STAC: variants seen among roughly 807,000 people sequenced by gnomAD.
STAC encodes the protein SH3 and cysteine-rich domain-containing protein.
STAC carries 43 observed loss-of-function variants against 48.8 expected under a neutral mutation model. The ratio of observed to expected loss-of-function variants is 0.88; its 90% confidence interval spans 0.69 to 1.14. The LOEUF (loss-of-function observed/expected upper bound fraction) is 1.14, where lower values mean the gene tolerates loss of function less well. Ranked by LOEUF, STAC falls within the 50% of genes most tolerant of loss-of-function variation. The pLI is 0.00. For missense variants in STAC, 497 were observed against 504.0 expected (o/e 0.99, Z 0.13); for synonymous variants, 193 against 179.5 (o/e 1.07, Z -0.60).
At chr3:36,388,296 T>C (rs1272064479) in intron 1 of STAC, among the ~76,000 whole-genome samples, 1 of 152,140 alleles carries the variant, frequency 6.6e-6, no homozygotes, top group Non-Finnish European at 1.5e-5. Flanking sequence ...TTGTCTTTTT[T>C]GGTATGTGAA....
At chr3:36,402,475 A>G (rs755780108) in intron 1 of STAC, among the ~76,000 whole-genome samples, 3 of 151,988 alleles carry the variant, frequency 2.0e-5, no homozygotes, top group Admixed American at 6.6e-5. Context: ...TTTTGTGCCC[A>G]CTCTACAGAT....
rs767656854 is a variant in STAC, at chr3:36,528,819, G to A, written c.973-29G>A. ...AACTATTATAATACATGCTACAATT[G>A]TGGATGCATGCCTCCTTTTTCCTTT... On this transcript the variant is annotated intron_variant, in intron 9 of 10. Transcript: ENST00000273183. 2.5e-6 allele frequency: 4 copies of A among 1,609,222 alleles called. No individual in the cohort carries two copies. The African/African-American group carries it at 5.4e-5, about 22-fold the overall frequency.
chr3:36,522,439 A>G (rs888663592), intron 8 of STAC, among the ~76,000 whole-genome samples: 1 of 152,238 alleles, frequency 6.6e-6, no homozygotes, highest in African/African-American at 2.4e-5. Flanking sequence ...CTCAAAAAAT[A>G]TTGATGGGGT....
chr3:36,523,103 G>A (rs1392800266), intron 8 of STAC, among the ~76,000 whole-genome samples: 2 of 152,180 alleles, frequency 1.3e-5, no homozygotes, highest in Non-Finnish European at 1.5e-5. Flanking sequence ...GCAACCATTG[G>A]TTCTCACGCA....
At chr3:36,511,118 C>T (rs1223106796) in intron 8 of STAC, among the ~76,000 whole-genome samples, 1 of 151,622 alleles carries the variant, frequency 6.6e-6, no homozygotes, top group Non-Finnish European at 1.5e-5. Flanking sequence ...CTAAACCATT[C>T]TCTTACCACA....
In STAC at chr3:36,443,395, A is replaced by C. The variant is rs759578282; in HGVS notation, c.143A>C (p.Lys48Thr). ...LQKLKRSLSF[K>T]TKSLRSKSAD... Reference sequence around the variant, plus strand: ...AAACTAAAACGATCACTTTCTTTCAAGACCAAGAGTTTACGGAGCAAAAGT... The same window carrying C: ...AAACTAAAACGATCACTTTCTTTCACGACCAAGAGTTTACGGAGCAAAAGT... The change falls in exon 2 of 11, where the codon AAG (lysine) becomes ACG (threonine). Residue 48 changes from lysine (K) to threonine (T), a missense_variant. Coordinates refer to ENST00000273183, the MANE Select transcript of STAC (RefSeq NM_003149.3). The surrounding 1 kb of genome is among the most constrained non-coding windows in gnomAD (Gnocchi z 4.2). 1 of 1,614,212 alleles carries C rather than the reference A, an allele frequency of 6.2e-7. No individual in the cohort carries two copies. The highest frequency in any genetic ancestry group is 8.5e-7 in the Non-Finnish European group (1 of 1,180,036).
intron 2 of STAC, among the ~76,000 whole-genome samples, chr3:36,470,232 G>A (rs1373865422): frequency 2.6e-5 from 4 of 152,236 alleles, no homozygotes; most frequent in Non-Finnish European, 5.9e-5. Flanking sequence ...AAGGGCTGCT[G>A]TGAGATTCTT....
At chr3:36,544,997 T>C (rs997000046) in intron 10 of STAC, among the ~76,000 whole-genome samples, 2 of 152,206 alleles carry the variant, frequency 1.3e-5, no homozygotes, top group Non-Finnish European at 2.9e-5. Flanking sequence ...AGTGTCCTAT[T>C]CAAGCCCCTT....
At chr3:36,420,514 T>C (rs1334027633) in intron 1 of STAC, among the ~76,000 whole-genome samples, 2 of 152,198 alleles carry the variant, frequency 1.3e-5, no homozygotes, top group Non-Finnish European at 1.5e-5. Flanking sequence ...TGCCTCCTGC[T>C]AGATCAGCAG....
chr3:36,506,125 T>C (rs963286955), intron 8 of STAC: 1 of 224,896 alleles, frequency 4.4e-6, no homozygotes, highest in Non-Finnish European at 8.7e-6. Flanking sequence ...CTTTAGTACA[T>C]GCTCAACAGA....
intron 10 of STAC, among the ~76,000 whole-genome samples, chr3:36,533,742 G>C (rs1213763515): frequency 2.0e-5 from 3 of 151,984 alleles, no homozygotes; most frequent in Non-Finnish European, 4.4e-5. Context: ...GCTAGGGTTT[G>C]GGGTGTGGAG....
chr3:36,535,083 T>C (rs1444425466), intron 10 of STAC, among the ~76,000 whole-genome samples: 13 of 152,210 alleles, frequency 8.5e-5, no homozygotes, highest in Non-Finnish European at 1.0e-4. Context: ...ATTTACATGA[T>C]ACTTTTTCTT....
At chr3:36,535,218 T>C (rs899510676) in intron 10 of STAC, among the ~76,000 whole-genome samples, 5 of 152,200 alleles carry the variant, frequency 3.3e-5, no homozygotes, top group Non-Finnish European at 7.3e-5. Context: ...CTAGGTATTT[T>C]AGACTCTTTG....
intron 10 of STAC, among the ~76,000 whole-genome samples, chr3:36,539,487 G>T (rs576636356): frequency 8.5e-5 from 13 of 152,260 alleles, no homozygotes; most frequent in Admixed American, 6.5e-4. Context: ...GTGTTAGTTT[G>T]CTAAGGACAA....
chr3:36,492,401 T>G (rs1308640672), intron 5 of STAC, among the ~76,000 whole-genome samples: 1 of 152,114 alleles, frequency 6.6e-6, no homozygotes, highest in Non-Finnish European at 1.5e-5. Context: ...AGCTCCACCA[T>G]GTATTAACTA....
intron 1 of STAC, among the ~76,000 whole-genome samples, chr3:36,428,684 AC>A (rs1700622684): frequency 6.6e-6 from 1 of 152,196 alleles, no homozygotes; most frequent in African/African-American, 2.4e-5. Context: ...AGTCAGAACA[AC>A]AGGGGTGAAG....
chr3:36,388,882 T>G (rs994351016), intron 1 of STAC, among the ~76,000 whole-genome samples: 1 of 152,216 alleles, frequency 6.6e-6, no homozygotes, highest in Non-Finnish European at 1.5e-5. Flanking sequence ...ACTATTATGC[T>G]TCAATTTTTG....
chr3:36,530,580 C>CTTTTTTTTTTTTTTTTTTTTTTTTTTTTT (rs775751742), intron 10 of STAC, among the ~76,000 whole-genome samples: 1 of 102,702 alleles, frequency 9.7e-6, no homozygotes, highest in Non-Finnish European at 1.8e-5. Context: ...TTCACCTTTT[C>CTTTTTTTTTTTTTTTTTTTTTTTTTTTTT]TTTTTTTTTT....
intron 8 of STAC, among the ~76,000 whole-genome samples, chr3:36,511,936 A>G (rs1165356882): frequency 2.0e-5 from 3 of 152,158 alleles, no homozygotes; most frequent in Admixed American, 1.3e-4. Flanking sequence ...GGTGGATATA[A>G]TATCTAGCAA....
Sources: gnomAD v4.1 joint callset for allele counts (sites outside exome capture counted in the v4.1 genomes callset) on GRCh38, gnomAD v4.1.1 for gene constraint, Gnocchi (gnomAD v3.1) non-coding constraint, MANE v1.5 for transcripts, NCBI Gene and HGNC (gene_info 2026-07-23, HGNC 2026-07-21) for gene names.